Variants in USP40 observed in about 807,000 individuals in gnomAD.
USP40 encodes the protein ubiquitin carboxyl-terminal hydrolase 40.
Under a neutral mutation model 166.2 loss-of-function variants are expected in USP40, and 143 were observed. That is an observed-to-expected ratio of 0.86 (90% CI 0.75 to 0.99). USP40 has a LOEUF of 0.99. USP40 is among the 50% of genes least tolerant of loss of function. The probability of loss-of-function intolerance (pLI) is 0.00; values close to 1 mark genes in which losing one functional copy is unlikely to be tolerated. For synonymous variants in USP40, 498 were observed against 524.0 expected, an observed-to-expected ratio of 0.95 and a Z score of 0.68; for missense variants, 1,444 against 1,479.7, an observed-to-expected ratio of 0.98 and a Z score of 0.40.
intron 18 of USP40, 31 bp from the exon 19 acceptor site, chr2:233,512,653 G>GTAT (rs771961065): frequency 9.9e-6 from 13 of 1,315,500 alleles, no homozygotes; most frequent in African/African-American, 1.5e-5. Context: ...ATTTTTCTTA[G>GTAT]AGAGCTAGGA....
At chr2:233,530,398 G>A (rs891733569) in intron 11 of USP40, among the ~76,000 whole-genome samples, 1 of 152,104 alleles carries the variant, frequency 6.6e-6, no homozygotes, top group African/African-American at 2.4e-5. Flanking sequence ...AGACATTAAG[G>A]TGATTTCCAA....
At position 233,527,457 on chromosome 2, in the gene USP40, T is replaced by C; in HGVS notation, c.1675A>G (p.Thr559Ala). Residue 559 changes from threonine (T) to alanine (A), a missense_variant, in exon 13 of 32, where the codon ACC (threonine) becomes GCC (alanine). Thr to Ala is a moderately conservative substitution (Grantham distance 58). Coordinates refer to ENST00000678225, the MANE Select transcript of USP40 (RefSeq NM_001365479.2). ...CCTAAAGTTTTTCTTTTATCAAAGG[T>C]CAAATCCCACACGCTTTCTGTTTGA... ...VSQTESVWDL[T>A]FDKRKTLGDL... is the part of the protein sequence containing the mutation. The C allele has an allele frequency of 6.2e-7, 1 of 1,613,758 alleles. No homozygotes were observed. Among genetic ancestry groups the C allele is most frequent in the Non-Finnish European group, 8.5e-7 (1 of 1,179,822 alleles).
chr2:233,490,308 G>A (rs1320546630), intron 26 of USP40, among the ~76,000 whole-genome samples: 10 of 151,294 alleles, frequency 6.6e-5, no homozygotes, highest in Admixed American at 2.0e-4. Flanking sequence ...GATTACAGGT[G>A]CCTGCCACCG....
intron 6 of USP40, among the ~76,000 whole-genome samples, chr2:233,553,959 G>A (rs2125367067): frequency 6.6e-6 from 1 of 152,290 alleles, no homozygotes; most frequent in Middle Eastern, 3.4e-3. Flanking sequence ...GGCTATATTG[G>A]ATTTGCCAGA....
Position 233,477,414 on chromosome 2 carries a change from A to G in USP40, c.3689T>C (p.Ile1230Thr). ...CGGTTATCTGAAGCTCCCCACGTGG[A>G]TGGAGAGAGAAGTTTCCGGGGCTCG... ...RPRAPETSLS[I>T]HVGSFR The change falls in exon 32 of 32, where the codon ATC (isoleucine) becomes ACC (threonine). Residue 1230 changes from isoleucine to threonine, a missense_variant. By Grantham distance (89) the Ile-to-Thr change is moderately conservative. Transcript: ENST00000678225. The G allele has an allele frequency of 6.2e-7, 1 of 1,613,748 alleles. No individual in the cohort carries two copies. The highest frequency in any genetic ancestry group is 8.5e-7 in the Non-Finnish European group (1 of 1,179,814).
Position 233,485,511 on chromosome 2 carries a change from T to C in USP40, c.3504+20A>G. 6.3e-7 allele frequency: 1 copy of C among 1,596,142 alleles called. No homozygotes were observed. Among genetic ancestry groups the C allele is most frequent in the Middle Eastern group, 1.7e-4 (1 of 6,016 alleles). On this transcript the variant is annotated intron_variant, in intron 30 of 31. Transcript: ENST00000678225. Reference sequence around the variant, plus strand: ...CCTCGTGTCTTCTCAAAGTGGTAAATTTGCTGTTAAACAACTTACCTTAAC... The same window carrying C: ...CCTCGTGTCTTCTCAAAGTGGTAAACTTGCTGTTAAACAACTTACCTTAAC...
intron 10 of USP40, among the ~76,000 whole-genome samples, chr2:233,538,841 A>T (rs971545701): frequency 1.4e-4 from 22 of 152,268 alleles, no homozygotes; most frequent in Middle Eastern, 3.4e-3. Flanking sequence ...ACATACGGAG[A>T]CACCATCTCT....
At chr2:233,524,021 A>T in intron 15 of USP40, among the ~76,000 whole-genome samples, 1 of 152,202 alleles carries the variant, frequency 6.6e-6, no homozygotes, top group East Asian at 1.9e-4. Flanking sequence ...GGCGCTCAAG[A>T]AATGTCTCCT....
intron 24 of USP40, among the ~76,000 whole-genome samples, chr2:233,495,294 A>G (rs1212441862): frequency 6.6e-6 from 1 of 152,086 alleles, no homozygotes; most frequent in Admixed American, 6.5e-5. Context: ...TGCTATGTAT[A>G]TACACATTGA....
In USP40 at chr2:233,506,839, G is replaced by A. The variant is rs2066452938; in HGVS notation, c.2613+3210C>T. Among the ~76,000 whole-genome samples, 2 of 151,806 alleles carry A rather than the reference G, an allele frequency of 1.3e-5. 1 individual carries two copies. The highest frequency in any genetic ancestry group is 4.8e-5 in the African/African-American group (2 of 41,288). ...GATGGAAGGATCACTTGAGCCCTGG[G>A]GGTGGAGGTTGCAGTGAGCTGAGAT... On this transcript the variant is annotated intron_variant, in intron 21 of 31. Transcript: ENST00000678225.
In USP40 at chr2:233,551,265, A is replaced by G. The variant is rs1438063772; in HGVS notation, c.837+111T>C. The G allele has an allele frequency of 5.9e-6, 7 of 1,196,402 alleles. No individual in the cohort carries two copies. In the African/African-American group the frequency reaches 6.3e-5, roughly 11 times the overall value. 74.1% of individuals were successfully genotyped at this position (1,196,402 alleles called of 1,614,324 possible). On this transcript the variant is annotated intron_variant, in intron 7 of 31. Transcript: ENST00000678225. ...AAGAATAGTTTAACTGAAAATGTCA[A>G]TGGTGCCAAGGTTTAGAGATTCTCA...
At chr2:233,532,626 T>G (rs1380378169) in intron 11 of USP40, among the ~76,000 whole-genome samples, 2 of 152,204 alleles carry the variant, frequency 1.3e-5, no homozygotes, top group African/African-American at 4.8e-5. Context: ...GCGTTTTGTC[T>G]AATTCTTTGT....
intron 24 of USP40, among the ~76,000 whole-genome samples, chr2:233,494,844 C>CA (rs1165042558): frequency 0.015 from 1,519 of 99,212 alleles, 40 homozygotes; most frequent in East Asian, 0.073. Flanking sequence ...AAAAAAAAAC[C>CA]AAAAAAAAAA....
chr2:233,510,330 T>G (rs2066716818), intron 20 of USP40, among the ~76,000 whole-genome samples, 195 bp from the exon 21 acceptor site: 1 of 150,712 alleles, frequency 6.6e-6, no homozygotes, highest in South Asian at 2.1e-4. Context: ...TATAAATTGC[T>G]TCATCATCAA....
At chr2:233,510,392 C>CTT (rs1158427662) in intron 20 of USP40, among the ~76,000 whole-genome samples, 11,219 of 68,632 alleles carry the variant, frequency 0.16, 1,665 homozygotes, top group Non-Finnish European at 0.19. Flanking sequence ...CTTTTTCTTT[C>CTT]TTTTTTTTTT....
intron 18 of USP40, among the ~76,000 whole-genome samples, chr2:233,519,039 A>G (rs554248513): frequency 2.0e-5 from 3 of 152,364 alleles, no homozygotes; most frequent in Non-Finnish European, 2.9e-5. Context: ...TATGATTCCA[A>G]TTACATTAAA....
rs1236343535 is a variant in USP40, at chr2:233,481,304, T to C, written c.3505-7A>G. The C allele has an allele frequency of 6.3e-7, 1 of 1,588,042 alleles. No individual in the cohort carries two copies. The highest frequency in any genetic ancestry group is 8.6e-7 in the Non-Finnish European group (1 of 1,165,738). ...CGTCGTCAATCAGGAGATTCTACAT[T>C]TCAAAAGAAGTAATGAGCAGTGTTT... On this transcript the variant is annotated splice_polypyrimidine_tract_variant and splice_region_variant and intron_variant, in intron 30 of 31. Coordinates refer to ENST00000678225, the MANE Select transcript of USP40 (RefSeq NM_001365479.2).
intron 8 of USP40, chr2:233,546,669 T>C (rs914541988): frequency 6.6e-6 from 1 of 152,012 alleles, no homozygotes; most frequent in African/African-American, 2.4e-5. Flanking sequence ...GCAAAAAAAA[T>C]GAACACCATA....
chr2:233,562,923 A>G (rs2125408413), intron 2 of USP40, 120 bp from the exon 3 acceptor site: 2 of 648,172 alleles, frequency 3.1e-6, no homozygotes, highest in Middle Eastern at 3.0e-4. Context: ...GATTGTGGCA[A>G]TATTTATACC....
Sources: allele counts gnomAD v4.1 joint callset (sites outside exome capture counted in the v4.1 genomes callset), GRCh38; gene constraint gnomAD v4.1.1; transcripts MANE v1.5; gene names NCBI Gene and HGNC (gene_info 2026-07-23, HGNC 2026-07-21).